EYS: variants seen among roughly 807,000 people sequenced by gnomAD.
EYS encodes the protein EGF-like photoreceptor maintenance factor.
Under a neutral mutation model 282.1 loss-of-function variants are expected in EYS, and 250 were observed. That is an observed-to-expected ratio of 0.89 (90% CI 0.80 to 0.98). EYS has a LOEUF of 0.98. EYS is among the 50% of genes least tolerant of loss of function. The pLI, the probability that EYS is intolerant of heterozygous loss-of-function variation, is 0.00. For synonymous variants in EYS, 1,355 were observed against 1,282.9 expected (o/e 1.06, Z -1.20); for missense variants, 4,016 against 3,709.0 (o/e 1.08, Z -2.15).
chr6:65,542,422 T>C (rs1768200536), intron 2 of EYS, among the ~76,000 whole-genome samples: 2 of 151,910 alleles, frequency 1.3e-5, no homozygotes, highest in Admixed American at 1.3e-4. Flanking sequence ...CAAATAGTAT[T>C]TCATATGGAG....
At chr6:63,777,971 C>G (rs1045463816) in intron 40 of EYS, 35 bp downstream of exon 40, 1 of 1,542,456 alleles carries the variant, frequency 6.5e-7, no homozygotes, top group African/African-American at 1.4e-5. Flanking sequence ...GTGCAAACAA[C>G]CTGCTACTTT....
chr6:64,418,333 C>T (rs757455365), intron 28 of EYS, among the ~76,000 whole-genome samples: 1 of 152,154 alleles, frequency 6.6e-6, no homozygotes, highest in Non-Finnish European at 1.5e-5. Context: ...CAGAGTAATA[C>T]TTTGGAAAAT....
intron 31 of EYS, among the ~76,000 whole-genome samples, chr6:64,154,440 CAA>C (rs397819570): frequency 0.01 from 613 of 59,440 alleles, 1 homozygote; most frequent in African/African-American, 0.024. Context: ...AACTCCGTCT[CAA>C]AAAAAAAAAA....
At chr6:64,653,389 A>G (rs1768632472) in intron 22 of EYS, among the ~76,000 whole-genome samples, 1 of 152,144 alleles carries the variant, frequency 6.6e-6, no homozygotes, top group Non-Finnish European at 1.5e-5. Context: ...CTCTATGTTC[A>G]TGTAGATGGA....
At chr6:64,657,474 T>A (rs1768793643) in intron 22 of EYS, among the ~76,000 whole-genome samples, 2 of 152,214 alleles carry the variant, frequency 1.3e-5, no homozygotes, top group South Asian at 4.1e-4. Context: ...ATTTGGCATG[T>A]TTTTGCAGTG....
chr6:63,885,745 T>C (rs1437538328), intron 35 of EYS, among the ~76,000 whole-genome samples: 2 of 152,128 alleles, frequency 1.3e-5, no homozygotes, highest in Admixed American at 6.5e-5. Flanking sequence ...TACACAGCTT[T>C]GATGGCCAGA....
intron 26 of EYS, among the ~76,000 whole-genome samples, chr6:64,496,307 T>C (rs1776888069): frequency 6.6e-6 from 1 of 151,938 alleles, no homozygotes; most frequent in Non-Finnish European, 1.5e-5. Context: ...TACAACTGGA[T>C]TATAGTTTAG....
chr6:64,731,972 T>C (rs1235223408), intron 22 of EYS, among the ~76,000 whole-genome samples: 3 of 152,176 alleles, frequency 2.0e-5, no homozygotes, highest in Admixed American at 2.0e-4. Flanking sequence ...CATGGATTAC[T>C]ATGCAGCCAT....
At chr6:63,874,536 G>A (rs934661483) in intron 35 of EYS, among the ~76,000 whole-genome samples, 1 of 152,124 alleles carries the variant, frequency 6.6e-6, no homozygotes, top group Non-Finnish European at 1.5e-5. Flanking sequence ...TGTGAAGAAA[G>A]TCATTGGTAG....
chr6:65,026,912 G>A (rs1343323204), intron 13 of EYS, among the ~76,000 whole-genome samples: 6 of 127,820 alleles, frequency 4.7e-5, no homozygotes, highest in South Asian at 2.4e-4. Context: ...GTGAGACTCC[G>A]TCTCAAAAAA....
intron 13 of EYS, among the ~76,000 whole-genome samples, chr6:65,029,824 G>A (rs1168969237): frequency 6.6e-6 from 1 of 152,138 alleles, no homozygotes; most frequent in Non-Finnish European, 1.5e-5. Context: ...TGGATACCCG[G>A]GGCTGAATGG....
intron 12 of EYS, among the ~76,000 whole-genome samples, chr6:65,140,483 A>C (rs1581947226): frequency 6.6e-6 from 1 of 152,162 alleles, no homozygotes; most frequent in Non-Finnish European, 1.5e-5. Context: ...TTAAAGAAAT[A>C]ATGGCAGAAA....
intron 35 of EYS, among the ~76,000 whole-genome samples, chr6:63,968,370 C>T (rs1256805465): frequency 1.3e-5 from 2 of 152,054 alleles, no homozygotes; most frequent in Non-Finnish European, 2.9e-5. Context: ...ATGTCTGCAT[C>T]TGAGAGACAA....
At chr6:64,790,895 T>C (rs1487905501) in intron 22 of EYS, among the ~76,000 whole-genome samples, 1 of 151,874 alleles carries the variant, frequency 6.6e-6, no homozygotes, top group South Asian at 2.1e-4. Flanking sequence ...AGAATGAAAA[T>C]GCAGGAAAAA....
intron 28 of EYS, among the ~76,000 whole-genome samples, chr6:64,394,858 G>C (rs887913654): frequency 4.6e-5 from 7 of 152,110 alleles, no homozygotes; most frequent in African/African-American, 1.7e-4. Context: ...GACAAAATGG[G>C]AGAAAATTTT....
intron 12 of EYS, among the ~76,000 whole-genome samples, chr6:65,184,373 AT>A (rs1466756142): frequency 6.6e-6 from 1 of 151,886 alleles, no homozygotes. Context: ...AACCATGATA[AT>A]GATAACAGCA....
chr6:63,988,161 A>G (rs1767451860), intron 34 of EYS, among the ~76,000 whole-genome samples: 1 of 151,678 alleles, frequency 6.6e-6, no homozygotes, highest in Admixed American at 6.6e-5. Flanking sequence ...ACAAACTATT[A>G]GCAGATCTGT....
chr6:63,855,077 G>C (rs957280841), intron 36 of EYS, among the ~76,000 whole-genome samples: 2 of 152,194 alleles, frequency 1.3e-5, no homozygotes, highest in African/African-American at 2.4e-5. Flanking sequence ...GAATTCCTTG[G>C]TTTAATGCTG....
chr6:65,495,298 G>C lies in EYS; in HGVS notation c.113C>G (p.Ser38Ter), dbSNP rs1288767318. 1.2e-6 allele frequency: 2 copies of C among 1,614,064 alleles called. No homozygotes were observed. Among genetic ancestry groups the C allele is most frequent in the Non-Finnish European group, 1.7e-6 (2 of 1,180,028 alleles). The change falls in exon 4 of 43, where the codon TCA (serine) becomes TGA (stop). Residue 38 changes from serine to a stop codon, truncating the protein, a stop_gained. Transcript: ENST00000503581. LOFTEE classifies it high-confidence loss of function. ...LVEEWHPQPS[S>*]YVVNWTLTEN... ...TGTTAGTGTCCAATTTACCACATATGATGAGGGTTGTGGATGCCATTCTTC... is the reference window on the plus strand; with the variant it reads ...TGTTAGTGTCCAATTTACCACATATCATGAGGGTTGTGGATGCCATTCTTC...
Sources: allele counts gnomAD v4.1 joint callset (sites outside exome capture counted in the v4.1 genomes callset), GRCh38; gene constraint gnomAD v4.1.1; transcripts MANE v1.5; gene names NCBI Gene and HGNC (gene_info 2026-07-23, HGNC 2026-07-21).